The following CPQ variants were observed in gnomAD, a reference collection of about 807,000 sequenced individuals.
CPQ encodes the protein Ser-Met dipeptidase.
Under a neutral mutation model 45.7 loss-of-function variants are expected in CPQ, and 37 were observed. The ratio of observed to expected loss-of-function variants is 0.81; its 90% CI spans 0.62 to 1.07. The LOEUF (loss-of-function observed/expected upper bound fraction) is 1.07, where lower values mean the gene tolerates loss of function less well. CPQ is among the 50% of genes least tolerant of loss of function. The pLI is 0.00. For missense variants in CPQ, 537 were observed against 572.9 expected (o/e 0.94, Z 0.64); for synonymous variants, 186 against 205.8 (o/e 0.90, Z 0.82).
At chr8:96,662,944 G>A (rs1007876276) in intron 1 of CPQ, among the ~76,000 whole-genome samples, 2 of 152,128 alleles carry the variant, frequency 1.3e-5, no homozygotes, top group African/African-American at 4.8e-5. Context: ...AGCCAAGATC[G>A]CACCAGCACT....
At chr8:96,779,014 G>A (rs1261151987) in intron 1 of CPQ, among the ~76,000 whole-genome samples, 1 of 148,410 alleles carries the variant, frequency 6.7e-6, no homozygotes, top group East Asian at 2.0e-4. Flanking sequence ...GCAGTGAGCT[G>A]AGATTGTGCC....
At chr8:96,992,372 T>G (rs952311417) in intron 5 of CPQ, among the ~76,000 whole-genome samples, 3 of 152,084 alleles carry the variant, frequency 2.0e-5, no homozygotes, top group Non-Finnish European at 2.9e-5. Flanking sequence ...AGGTCTACTT[T>G]TGGAAGCCCA....
At chr8:97,009,122 A>G (rs146076520) in intron 5 of CPQ, among the ~76,000 whole-genome samples, 115 of 152,360 alleles carry the variant, frequency 7.5e-4, no homozygotes, top group African/African-American at 2.4e-3. Context: ...GGCAGAATCC[A>G]GCCAGACACT....
At chr8:96,858,789 A>T (rs1199408526) in intron 3 of CPQ, among the ~76,000 whole-genome samples, 1 of 152,222 alleles carries the variant, frequency 6.6e-6, no homozygotes, top group Non-Finnish European at 1.5e-5. Context: ...GTTTTCCTTG[A>T]CTACCCACAC....
chr8:96,740,627 G>A (rs1323056050), intron 1 of CPQ, among the ~76,000 whole-genome samples: 6 of 151,670 alleles, frequency 4.0e-5, no homozygotes, highest in Non-Finnish European at 8.8e-5. Flanking sequence ...ATTATTTTGA[G>A]ATACGTCCCA....
chr8:97,004,023 C>A (rs1334103864), intron 5 of CPQ, among the ~76,000 whole-genome samples: 1 of 152,062 alleles, frequency 6.6e-6, no homozygotes, highest in African/African-American at 2.4e-5. Flanking sequence ...ACATCTTTTT[C>A]TTTAACTCTC....
chr8:97,084,612 G>A (rs1246395764), intron 7 of CPQ, among the ~76,000 whole-genome samples: 3 of 152,152 alleles, frequency 2.0e-5, no homozygotes, highest in Non-Finnish European at 4.4e-5. Context: ...CAATTACAGA[G>A]GCACATACAG....
chr8:97,056,199 A>C (rs1457063061), intron 6 of CPQ, among the ~76,000 whole-genome samples: 1 of 152,196 alleles, frequency 6.6e-6, no homozygotes, highest in Non-Finnish European at 1.5e-5. Context: ...ACTAATACAC[A>C]ATTAGACATC....
intron 3 of CPQ, among the ~76,000 whole-genome samples, chr8:96,871,088 AG>A (rs138928257): frequency 0.021 from 3,133 of 152,138 alleles, 114 homozygotes; most frequent in African/African-American, 0.071. Flanking sequence ...GAATTCACTA[AG>A]TACTGATTTC....
chr8:97,098,306 T>A (rs1811242795), intron 7 of CPQ, among the ~76,000 whole-genome samples: 1 of 152,210 alleles, frequency 6.6e-6, no homozygotes, highest in African/African-American at 2.4e-5. Flanking sequence ...AGACAGTCTC[T>A]GCCCTCAAGA....
At position 97,135,371 on chromosome 8, in the gene CPQ, C is replaced by T. The variant is rs532300693; in HGVS notation, c.1256-7649C>T. Among the ~76,000 whole-genome samples, 239 of 152,064 alleles carry T rather than the reference C, an allele frequency of 1.6e-3. 1 individual carries two copies. The highest frequency in any genetic ancestry group is 5.2e-3 in the African/African-American group (216 of 41,482). ...TAGGGAGCTATGTGTTAGGAAGCTG[C>T]TAATGAACTGCTTTTGAGTCTAATT... On this transcript the variant is annotated intron_variant, in intron 7 of 7. Transcript: ENST00000220763.
chr8:96,929,004 A>G (rs1314950279), intron 4 of CPQ, among the ~76,000 whole-genome samples: 3 of 152,202 alleles, frequency 2.0e-5, no homozygotes, highest in Non-Finnish European at 2.9e-5. Context: ...ATTATAATTT[A>G]TTCCCAATGA....
chr8:96,713,586 T>C (rs1303392179), intron 1 of CPQ, among the ~76,000 whole-genome samples: 1 of 152,144 alleles, frequency 6.6e-6, no homozygotes, highest in Non-Finnish European at 1.5e-5. Context: ...TTGTGAGAAC[T>C]CACTCACTAT....
intron 3 of CPQ, among the ~76,000 whole-genome samples, chr8:96,845,888 C>A (rs550326278): frequency 3.9e-4 from 59 of 152,266 alleles, no homozygotes; most frequent in African/African-American, 1.4e-3. Context: ...GGCGCGATCT[C>A]GGCTCACTGC....
At chr8:97,069,041 G>A (rs1288817875) in intron 7 of CPQ, among the ~76,000 whole-genome samples, 1 of 152,140 alleles carries the variant, frequency 6.6e-6, no homozygotes, top group Non-Finnish European at 1.5e-5. Flanking sequence ...TTTACCCCTG[G>A]GAGAAAGGAG....
At chr8:96,995,355 G>A (rs567749981) in intron 5 of CPQ, among the ~76,000 whole-genome samples, 1 of 152,072 alleles carries the variant, frequency 6.6e-6, no homozygotes, top group Middle Eastern at 3.4e-3. Context: ...GAATATGAGA[G>A]AACTGTTAAG....
At chr8:96,661,274 C>T (rs1412176769) in intron 1 of CPQ, among the ~76,000 whole-genome samples, 2 of 151,856 alleles carry the variant, frequency 1.3e-5, no homozygotes, top group African/African-American at 2.4e-5. Context: ...CACTACCTGC[C>T]CCTCACATGT....
intron 4 of CPQ, among the ~76,000 whole-genome samples, chr8:96,965,178 A>C (rs1224350296): frequency 6.6e-6 from 1 of 152,090 alleles, no homozygotes; most frequent in Non-Finnish European, 1.5e-5. Flanking sequence ...TAATGCATAA[A>C]ACAATTTTTT....
chr8:97,136,170 G>A (rs1428544040), intron 7 of CPQ, among the ~76,000 whole-genome samples: 1 of 151,086 alleles, frequency 6.6e-6, no homozygotes, highest in South Asian at 2.1e-4. Context: ...TCTGTGAGAT[G>A]AGTGTTTACA....
Sources: gnomAD v4.1 joint callset for allele counts (sites outside exome capture counted in the v4.1 genomes callset) on GRCh38, gnomAD v4.1.1 for gene constraint, MANE v1.5 for transcripts, NCBI Gene and HGNC (gene_info 2026-07-23, HGNC 2026-07-21) for gene names.